Variants in PRTFDC1 observed in about 807,000 individuals in gnomAD.
The protein encoded by PRTFDC1 is phosphoribosyltransferase domain-containing protein 1.
PRTFDC1 carries 38 observed loss-of-function variants against 34.6 expected under a neutral mutation model. That is an observed-to-expected ratio of 1.10 (90% confidence interval 0.85 to 1.44). The LOEUF (loss-of-function observed/expected upper bound fraction) is 1.44. Among genes scored for constraint, PRTFDC1 ranks in the 40% most tolerant of loss-of-function variants. The probability of loss-of-function intolerance (pLI) is 0.00; values close to 1 mark genes in which losing one functional copy is unlikely to be tolerated. For missense variants in PRTFDC1, 270 were observed against 283.0 expected (o/e 0.95, Z 0.33); for synonymous variants, 93 against 98.1 (o/e 0.95, Z 0.31).
intron 3 of PRTFDC1, among the ~76,000 whole-genome samples, chr10:24,899,459 T>C (rs2132550965): frequency 6.6e-6 from 1 of 152,284 alleles, no homozygotes; most frequent in East Asian, 1.9e-4. Context: ...TTCCCGGCTA[T>C]ACTGTTTGAG....
Position 24,894,060 on chromosome 10 carries a change from C to T in PRTFDC1, c.340-21997G>A, listed in dbSNP as rs192904302. ...AAAATAGGACTTCATTGGCCGGGCG[C>T]GGTGGCTCACGCCTGTAATCCCAGC... On this transcript the variant is annotated intron_variant, in intron 3 of 8. Coordinates refer to ENST00000320152, the MANE Select transcript of PRTFDC1 (RefSeq NM_020200.7). 2.4e-3 allele frequency among the ~76,000 whole-genome samples: 365 copies of T among 152,240 alleles called. 2 individuals are homozygous for T. Among genetic ancestry groups the T allele is most frequent in the African/African-American group, 7.9e-3 (329 of 41,556 alleles).
At chr10:24,933,011 G>T (rs1012080267) in intron 3 of PRTFDC1, among the ~76,000 whole-genome samples, 5 of 151,868 alleles carry the variant, frequency 3.3e-5, no homozygotes, top group Non-Finnish European at 7.4e-5. Flanking sequence ...CCATGGAAAA[G>T]GATCATCTTT....
intron 1 of PRTFDC1, among the ~76,000 whole-genome samples, chr10:24,950,001 T>G (rs1307809118): frequency 6.6e-6 from 1 of 152,106 alleles, no homozygotes; most frequent in Non-Finnish European, 1.5e-5. Flanking sequence ...CCCAAAGTGG[T>G]GGGATTACAG....
intron 3 of PRTFDC1, among the ~76,000 whole-genome samples, chr10:24,917,483 T>G (rs7896608): frequency 0.3 from 45,575 of 152,172 alleles, 7,140 homozygotes; most frequent in Non-Finnish European, 0.35. Context: ...ATTTTATTCT[T>G]TCTCCATGGG....
chr10:24,949,760 A>C (rs1233237367), intron 1 of PRTFDC1, among the ~76,000 whole-genome samples: 27 of 134,234 alleles, frequency 2.0e-4, no homozygotes, highest in Admixed American at 2.0e-3. Flanking sequence ...TTTTTTTAAG[A>C]AGGAGTTTCA....
At chr10:24,929,656 C>T (rs1848941106) in intron 3 of PRTFDC1, among the ~76,000 whole-genome samples, 1 of 152,162 alleles carries the variant, frequency 6.6e-6, no homozygotes, top group Non-Finnish European at 1.5e-5. Context: ...CAGAATGTTG[C>T]ACCTCTGAAT....
Position 24,952,440 on chromosome 10 carries a change from C to T in PRTFDC1, c.48+88G>A, listed in dbSNP as rs1233375737. The T allele has an allele frequency of 3.5e-6, 5 of 1,443,128 alleles. No homozygotes were observed. Among genetic ancestry groups the T allele is most frequent in the African/African-American group, 1.4e-5 (1 of 70,708 alleles). The allele number at this position is 1,443,128 out of a possible 1,614,324, so 89.4% of individuals were successfully genotyped here. On this transcript the variant is annotated intron_variant, in intron 1 of 8. Coordinates refer to ENST00000320152, the MANE Select transcript of PRTFDC1 (RefSeq NM_020200.7). The surrounding 1 kb of genome is among the most constrained non-coding windows in gnomAD (Gnocchi z 5.1). ...CAAAGCGGTGGCCCTCTCTCTCCCC[C>T]GACGCACGGCAAGCATTTAATCTAC...
intron 2 of PRTFDC1, among the ~76,000 whole-genome samples, chr10:24,939,418 C>T (rs1849112769): frequency 6.6e-6 from 1 of 151,412 alleles, no homozygotes; most frequent in African/African-American, 2.4e-5. Context: ...TATATCAATA[C>T]TCATTTTAAA....
rs916794003 is a variant in PRTFDC1, at chr10:24,856,930, G to T, written c.489C>A (p.Asn163Lys). The part of the protein sequence containing the change: ...LLSNIEKYKP[N>K]MIKVASLLVK... ...CAACTCACCTGGCTACCTTAATCATGTTGGGCTTGTATTTCTCTATATTGC... is the reference window on the plus strand; with the variant it reads ...CAACTCACCTGGCTACCTTAATCATTTTGGGCTTGTATTTCTCTATATTGC... The change falls in exon 6 of 9, where the codon AAC (asparagine) becomes AAA (lysine). Residue 163 changes from asparagine to lysine, a missense_variant. Physicochemically the swap from Asn to Lys is moderately conservative, Grantham distance 94. Coordinates refer to ENST00000320152, the MANE Select transcript of PRTFDC1 (RefSeq NM_020200.7). The T allele has an allele frequency of 1.2e-6, 2 of 1,612,534 alleles. No homozygotes were observed. The highest frequency in any genetic ancestry group is 1.7e-5 in the Admixed American group (1 of 59,992).
At chr10:24,868,056 G>A (rs1847813554) in intron 4 of PRTFDC1, 1 of 152,174 alleles carries the variant, frequency 6.6e-6, no homozygotes, top group African/African-American at 2.4e-5. Context: ...GTCTCCCAAA[G>A]CGCTGGGATT....
Position 24,872,060 on chromosome 10 carries a change from CA to C in PRTFDC1, c.342del (p.Asn114LysfsTer10). The C allele has an allele frequency of 6.2e-7, 1 of 1,607,340 alleles. No homozygotes were observed. Among genetic ancestry groups the C allele is most frequent in the East Asian group, 2.2e-5 (1 of 44,812 alleles). On this transcript the variant is annotated frameshift_variant and splice_region_variant, in exon 4 of 9. Coordinates refer to ENST00000320152, the MANE Select transcript of PRTFDC1 (RefSeq NM_020200.7). LOFTEE classifies it high-confidence loss of function. ...VDFIRLKSYR[N>X]DQSMGEMQII... The stretch of plus-strand genomic sequence containing the variant: ...ATCTGCATCTCACCCATGGACTGGT[CA>C]TTCTGCAAAAAAGAAGAAAAAAAAG...
chr10:24,902,967 C>T lies in PRTFDC1; in HGVS notation c.340-30904G>A, dbSNP rs570211117. Among the ~76,000 whole-genome samples the T allele has an allele frequency of 2.9e-4, 44 of 152,252 alleles. No individual in the cohort carries two copies. The East Asian group carries it at 7.0e-3, about 24-fold the overall frequency. ...ATCCCAGCACTTTGGGAGGCCAAGG[C>T]GGGTGGATCACCTGAGGTCACGAGT... On this transcript the variant is annotated intron_variant, in intron 3 of 8. Transcript: ENST00000320152.
intron 3 of PRTFDC1, among the ~76,000 whole-genome samples, chr10:24,907,279 T>C (rs1277620503): frequency 2.6e-5 from 4 of 152,086 alleles, no homozygotes; most frequent in Non-Finnish European, 5.9e-5. Context: ...CTTGTATGAA[T>C]TAGAATTTCT....
intron 3 of PRTFDC1, among the ~76,000 whole-genome samples, chr10:24,881,727 A>G (rs944903793): frequency 6.6e-6 from 1 of 152,180 alleles, no homozygotes; most frequent in Non-Finnish European, 1.5e-5. Flanking sequence ...ATTTTGATAA[A>G]CATTGTTAAT....
intron 4 of PRTFDC1, among the ~76,000 whole-genome samples, chr10:24,865,323 T>C (rs1847756589): frequency 6.6e-6 from 1 of 152,198 alleles, no homozygotes; most frequent in African/African-American, 2.4e-5. Context: ...CAATGTCTAT[T>C]GCTTTTAATT....
chr10:24,875,844 T>A (rs1273506981), intron 3 of PRTFDC1, among the ~76,000 whole-genome samples: 2 of 128,102 alleles, frequency 1.6e-5, no homozygotes, highest in Non-Finnish European at 3.2e-5. Context: ...ATAATTCTCA[T>A]AGTTTTTTTT....
intron 3 of PRTFDC1, among the ~76,000 whole-genome samples, chr10:24,903,775 A>G (rs1848487142): frequency 6.6e-6 from 1 of 150,598 alleles, no homozygotes; most frequent in Admixed American, 6.6e-5. Flanking sequence ...CCTGGGCTCC[A>G]GTGATCTTCT....
At position 24,865,868 on chromosome 10, in the gene PRTFDC1, T is replaced by C. The variant is rs559258894; in HGVS notation, c.405+6130A>G. Reference sequence around the variant, plus strand: ...TGGAGAATGAGTAGGAATGTGAATATAAACCCCATGGAAAAGGGAATGTAG... The same window carrying C: ...TGGAGAATGAGTAGGAATGTGAATACAAACCCCATGGAAAAGGGAATGTAG... On this transcript the variant is annotated intron_variant, in intron 4 of 8. Transcript: ENST00000320152. 2.6e-5 allele frequency among the ~76,000 whole-genome samples: 4 copies of C among 152,298 alleles called. No individual in the cohort carries two copies. The South Asian group carries it at 6.2e-4, about 24-fold the overall frequency.
intron 3 of PRTFDC1, among the ~76,000 whole-genome samples, chr10:24,926,239 G>A (rs1223125635): frequency 1.3e-5 from 2 of 152,172 alleles, no homozygotes; most frequent in East Asian, 3.9e-4. Flanking sequence ...GGCTTAATAA[G>A]CTAATAGATA....
Sources: allele counts gnomAD v4.1 joint callset (sites outside exome capture counted in the v4.1 genomes callset), GRCh38; gene constraint gnomAD v4.1.1; non-coding constraint Gnocchi (gnomAD v3.1); transcripts MANE v1.5; gene names NCBI Gene and HGNC (gene_info 2026-07-23, HGNC 2026-07-21).